The following ABCA13 variants were observed in gnomAD, a reference collection of about 807,000 sequenced individuals.
The protein encoded by ABCA13 is ATP-binding cassette sub-family A member 13.
In ABCA13, 476 loss-of-function variants were observed where a neutral mutation model predicts 478.7. That is an observed-to-expected ratio of 0.99 (90% CI 0.92 to 1.07). The LOEUF is 1.07. Among genes scored for constraint, ABCA13 ranks in the 50% least tolerant of loss-of-function variants. The pLI is 0.00. For synonymous variants in ABCA13, 2,252 were observed against 2,158.9 expected, an observed-to-expected ratio of 1.04 and a Z score of -1.20; for missense variants, 6,060 against 5,910.6, an observed-to-expected ratio of 1.03 and a Z score of -0.83.
chr7:48,318,508 T>A (rs570590020), intron 27 of ABCA13, among the ~76,000 whole-genome samples: 1 of 145,280 alleles, frequency 6.9e-6, no homozygotes, highest in African/African-American at 2.7e-5. Flanking sequence ...GCTAACTTTT[T>A]AGTTTTTTTT....
chr7:48,615,421 C>A, intron 59 of ABCA13, 44 bp downstream of exon 59: 1 of 1,499,852 alleles, frequency 6.7e-7, no homozygotes, highest in Non-Finnish European at 9.1e-7. Flanking sequence ...ACTATGAAAT[C>A]AATAGCATGA....
rs1468478003 is a variant in ABCA13, at chr7:48,272,748, T to C, written c.3082T>C (p.Ser1028Pro). ...GGTTCTTGGGGGAATTTCTAATGTA[T>C]CTTACTGTCAGCAATTGCTTTCAAT... ...AEVLGGISNV[S>P]YCQQLLSIFN... Residue 1028 changes from serine to proline, a missense_variant, in exon 17 of 62, where the codon TCT becomes CCT. Ser to Pro is a moderately conservative substitution (Grantham distance 74, BLOSUM62 -1). Around this residue, in one of 3 missense-constraint regions of ABCA13, gnomAD observed 4,423 missense variants for 4,309.1 expected, o/e 1.03. Transcript: ENST00000435803. 2.5e-6 allele frequency: 4 copies of C among 1,609,150 alleles called. No individual in the cohort carries two copies. The highest frequency in any genetic ancestry group is 3.4e-6 in the Non-Finnish European group (4 of 1,177,098).
At chr7:48,451,253 C>G (rs1421800765) in intron 42 of ABCA13, among the ~76,000 whole-genome samples, 2 of 152,100 alleles carry the variant, frequency 1.3e-5, no homozygotes, top group African/African-American at 2.4e-5. Flanking sequence ...TCCACCTTGG[C>G]CTCCCAAAGT....
chr7:48,334,489 C>A (rs57515623), intron 27 of ABCA13, among the ~76,000 whole-genome samples: 10 of 152,138 alleles, frequency 6.6e-5, no homozygotes, highest in Non-Finnish European at 2.9e-5. Flanking sequence ...TGCCTGCCAC[C>A]GTGCCCGGCT....
chr7:48,297,346 A>C, intron 22 of ABCA13, 35 bp downstream of exon 22: 1 of 1,540,344 alleles, frequency 6.5e-7, no homozygotes, highest in Non-Finnish European at 8.8e-7. Context: ...GCTTGATTAA[A>C]AATTAAATTT....
At chr7:48,431,774 G>T (rs188394470) in intron 42 of ABCA13, among the ~76,000 whole-genome samples, 1 of 151,912 alleles carries the variant, frequency 6.6e-6, no homozygotes, top group Admixed American at 6.5e-5. Context: ...ATTCTTCCTG[G>T]TCTTTTTAGA....
intron 38 of ABCA13, among the ~76,000 whole-genome samples, chr7:48,395,474 C>T (rs892315): frequency 6.6e-6 from 1 of 152,062 alleles, no homozygotes; most frequent in Non-Finnish European, 1.5e-5. Flanking sequence ...AGGTTTGAAC[C>T]CTGCAGGTCT....
intron 26 of ABCA13, among the ~76,000 whole-genome samples, chr7:48,316,111 G>A (rs2128895088): frequency 6.6e-6 from 1 of 152,164 alleles, no homozygotes; most frequent in African/African-American, 2.4e-5. Context: ...CCCTCATCAG[G>A]TGACCATTGA....
intron 55 of ABCA13, among the ~76,000 whole-genome samples, chr7:48,570,789 G>A (rs1026927106): frequency 6.6e-6 from 1 of 152,034 alleles, no homozygotes; most frequent in Non-Finnish European, 1.5e-5. Context: ...ATGTAAATGA[G>A]CTAAATAATC....
At chr7:48,308,096 A>G (rs1487556645) in intron 23 of ABCA13, among the ~76,000 whole-genome samples, 4 of 152,058 alleles carry the variant, frequency 2.6e-5, no homozygotes, top group Non-Finnish European at 4.4e-5. Flanking sequence ...TTATTCTATA[A>G]GCTTTTTTCT....
chr7:48,461,083 CA>C (rs1269512522), intron 43 of ABCA13, among the ~76,000 whole-genome samples: 6 of 152,162 alleles, frequency 3.9e-5, no homozygotes, highest in African/African-American at 1.4e-4. Flanking sequence ...AGTAATTGGA[CA>C]ATTGTTTGGA....
At chr7:48,362,180 G>A (rs777691249) in intron 31 of ABCA13, among the ~76,000 whole-genome samples, 16 of 150,426 alleles carry the variant, frequency 1.1e-4, no homozygotes, top group East Asian at 3.9e-4. Flanking sequence ...AATTTATGTC[G>A]TCTTGATCTG....
chr7:48,365,949 A>G (rs1407369851), intron 31 of ABCA13, among the ~76,000 whole-genome samples: 1 of 152,180 alleles, frequency 6.6e-6, no homozygotes, highest in Admixed American at 6.6e-5. Context: ...ATCCAATACA[A>G]TCCTTATTAA....
rs1338535039 is a variant in ABCA13, at chr7:48,412,477, A to C, written c.12353A>C (p.Lys4118Thr). The C allele has an allele frequency of 1.9e-6, 3 of 1,613,676 alleles. No homozygotes were observed. In the South Asian group the frequency reaches 3.3e-5, roughly 18 times the overall value. The change falls in exon 41 of 62, where the codon AAG becomes ACG. Residue 4118 changes from lysine (K) to threonine (T), a missense_variant. Lys to Thr is a moderately conservative substitution (Grantham distance 78). This residue lies in a region of ABCA13 where 1,627 missense variants were observed against 1,571.0 expected (regional missense o/e 1.04). Coordinates refer to ENST00000435803, the MANE Select transcript of ABCA13 (RefSeq NM_152701.5). ...SGSELTYTIP[K>T]DTDKACLKGL... is the part of the protein sequence containing the mutation. Reference sequence around the variant, plus strand: ...AGTGAGCTGACCTACACCATTCCAAAGGACACAGACAAGGCCTGCTTGAAA... The same window carrying C: ...AGTGAGCTGACCTACACCATTCCAACGGACACAGACAAGGCCTGCTTGAAA...
chr7:48,574,071 C>G (rs1278727212), intron 55 of ABCA13, among the ~76,000 whole-genome samples: 2 of 151,956 alleles, frequency 1.3e-5, no homozygotes, highest in Non-Finnish European at 2.9e-5. Context: ...CAAATAAGGT[C>G]ATATTCCAAG....
chr7:48,348,918 A>T (rs1369923177), intron 29 of ABCA13, among the ~76,000 whole-genome samples: 14 of 152,252 alleles, frequency 9.2e-5, no homozygotes, highest in Non-Finnish European at 2.1e-4. Context: ...CAGAAGTTTC[A>T]TATGGTTCCA....
chr7:48,446,932 T>C (rs552674690), intron 42 of ABCA13, among the ~76,000 whole-genome samples: 13 of 152,060 alleles, frequency 8.5e-5, no homozygotes, highest in Admixed American at 2.0e-4. Flanking sequence ...GGAATTGAAA[T>C]AGATTTGGGC....
chr7:48,183,312 CTG>C (rs916557213), intron 1 of ABCA13, among the ~76,000 whole-genome samples: 1 of 152,212 alleles, frequency 6.6e-6, no homozygotes, highest in Non-Finnish European at 1.5e-5. Context: ...TAGACTCAAT[CTG>C]GAGATTGTTT....
intron 26 of ABCA13, among the ~76,000 whole-genome samples, chr7:48,315,160 T>C (rs1802382367): frequency 1.3e-5 from 2 of 152,312 alleles, no homozygotes; most frequent in East Asian, 1.9e-4. Context: ...TATTGTGAGA[T>C]GCAATGGATA....
Sources: gnomAD v4.1 joint callset for allele counts (sites outside exome capture counted in the v4.1 genomes callset) on GRCh38, gnomAD v4.1.1 for gene constraint, gnomAD v4.1.1 regional missense constraint, MANE v1.5 for transcripts, NCBI Gene and HGNC (gene_info 2026-07-23, HGNC 2026-07-21) for gene names.